The following KRT20 variants were observed in gnomAD, a reference collection of about 807,000 sequenced individuals.
KRT20 encodes keratin, type I cytoskeletal 20.
KRT20 carries 41 observed loss-of-function variants against 43.0 expected under a neutral mutation model. The observed-to-expected ratio is 0.95, with a 90% CI of 0.74 to 1.24. The LOEUF is 1.24. Among genes scored for constraint, KRT20 ranks in the 50% most tolerant of loss-of-function variants. KRT20 has a pLI of 0.00. For missense variants in KRT20, 533 were observed against 521.2 expected (o/e 1.02, Z -0.22); for synonymous variants, 207 against 200.6 (o/e 1.03, Z -0.27).
intron 6 of KRT20, among the ~76,000 whole-genome samples, 194 bp downstream of exon 6, chr17:40,877,951 A>G (rs1907416402): frequency 6.6e-6 from 1 of 152,044 alleles, no homozygotes; most frequent in Non-Finnish European, 1.5e-5. Flanking sequence ...CATGATCTCA[A>G]GGCTGTACTT....
intron 1 of KRT20, among the ~76,000 whole-genome samples, chr17:40,883,391 A>G (rs1907681997): frequency 6.6e-6 from 1 of 152,082 alleles, no homozygotes; most frequent in Non-Finnish European, 1.5e-5. Flanking sequence ...TGCTCTCAAA[A>G]CTGAACTGGA....
intron 1 of KRT20, 92 bp from the exon 2 acceptor site, chr17:40,882,746 G>C (rs1434087633): frequency 2.3e-6 from 1 of 438,460 alleles, no homozygotes; most frequent in African/African-American, 2.2e-5. Context: ...ATCTTGCTCT[G>C]TTGCCCAGAC....
intron 2 of KRT20, 47 bp downstream of exon 2, chr17:40,882,525 A>G: frequency 9.7e-7 from 1 of 1,031,754 alleles, no homozygotes; most frequent in Admixed American, 2.1e-5. Context: ...AAGGACTACT[A>G]AAGGAATTCT....
intron 6 of KRT20, 147 bp from the exon 7 acceptor site, chr17:40,877,564 C>T: frequency 3.9e-6 from 2 of 510,476 alleles, no homozygotes; most frequent in Middle Eastern, 5.0e-4. Flanking sequence ...TTTTACATTG[C>T]TTTTATTGCA....
In KRT20 at chr17:40,882,616, C is replaced by A. The variant is rs749621858; in HGVS notation, c.429G>T (p.Leu143=). Residue 143 remains leucine (L), a synonymous_variant, in exon 2 of 8, where the codon CTG becomes CTT. Transcript: ENST00000167588. The part of the protein sequence containing the change: ...DAQLQNARCV[L]QIDNAKLAAE... The stretch of plus-strand genomic sequence containing the variant: ...CAGCCAGTTTAGCATTATCAATTTG[C>A]AGGACACACCGAGCATTTTGCAGTT... 8 of 1,564,144 alleles carry A rather than the reference C, an allele frequency of 5.1e-6. 1 individual carries two copies. The South Asian group carries it at 9.6e-5, about 19-fold the overall frequency.
chr17:40,876,659 C>T (rs1597849123), intron 7 of KRT20, among the ~76,000 whole-genome samples: 1 of 152,096 alleles, frequency 6.6e-6, no homozygotes, highest in Non-Finnish European at 1.5e-5. Context: ...TTACAAATGT[C>T]CTACTCTTAA....
At position 40,876,107 on chromosome 17, in the gene KRT20, A is replaced by G. The variant is rs559468460; in HGVS notation, c.*254T>C. 1.3e-4 allele frequency: 47 copies of G among 356,708 alleles called. No homozygotes were observed. In the East Asian group the frequency reaches 1.9e-3, roughly 15 times the overall value. 22.1% of individuals were successfully genotyped at this position (356,708 alleles called of 1,614,324 possible). A position where few individuals can be genotyped will look rare whatever the true frequency, so the allele number is the denominator to read the frequency against. Reference sequence around the variant, plus strand: ...GTAATTGATGTGCTTCATGATAAAGATGGCAGTAATGATGTTTTAAATATT... The same window carrying G: ...GTAATTGATGTGCTTCATGATAAAGGTGGCAGTAATGATGTTTTAAATATT... On this transcript the variant is annotated 3_prime_UTR_variant, in exon 8 of 8. Coordinates refer to ENST00000167588, the MANE Select transcript of KRT20 (RefSeq NM_019010.3).
chr17:40,884,353 C>G (rs1203288009), intron 1 of KRT20, among the ~76,000 whole-genome samples: 2 of 152,106 alleles, frequency 1.3e-5, no homozygotes, highest in African/African-American at 4.8e-5. Context: ...GTACAGTATT[C>G]TAATAGTCAT....
rs1168634869 is a variant in KRT20 at position 40,878,379 on chromosome 17, A to T, written c.919-14T>A. On this transcript the variant is annotated splice_polypyrimidine_tract_variant and intron_variant, in intron 5 of 7. Coordinates refer to ENST00000167588, the MANE Select transcript of KRT20 (RefSeq NM_019010.3). ...CAAAGACTCTTTCTATGAGCACAAGAAAAATAGGGCACTTCTTATGTGAGG... is the reference window on the plus strand; with the variant it reads ...CAAAGACTCTTTCTATGAGCACAAGTAAAATAGGGCACTTCTTATGTGAGG... 6.3e-7 allele frequency: 1 copy of T among 1,588,756 alleles called. No homozygotes were observed. Among genetic ancestry groups the T allele is most frequent in the East Asian group, 2.2e-5 (1 of 44,696 alleles).
chr17:40,877,451 A>G (rs1907398775), intron 6 of KRT20, 34 bp from the exon 7 acceptor site: 2 of 1,368,354 alleles, frequency 1.5e-6, no homozygotes, highest in Non-Finnish European at 2.0e-6. Flanking sequence ...AAGAAAAAAG[A>G]AACAGAAAAA....
chr17:40,878,858 G>A (rs896116702), intron 5 of KRT20, among the ~76,000 whole-genome samples: 2 of 151,046 alleles, frequency 1.3e-5, no homozygotes, highest in Admixed American at 6.6e-5. Context: ...CTGGAGTGCA[G>A]TAATGTGATC....
rs1387412684 is a variant in KRT20 at position 40,876,091 on chromosome 17, G to A, written c.*270C>T. The stretch of plus-strand genomic sequence containing the variant: ...AGGTGGTCTACAGCTTGTAATTGAT[G>A]TGCTTCATGATAAAGATGGCAGTAA... On this transcript the variant is annotated 3_prime_UTR_variant, in exon 8 of 8. Coordinates refer to ENST00000167588, the MANE Select transcript of KRT20 (RefSeq NM_019010.3). The A allele has an allele frequency of 6.2e-6, 2 of 322,472 alleles. No homozygotes were observed. The highest frequency in any genetic ancestry group is 9.0e-5 in the Admixed American group (2 of 22,280). The allele number at this position is 322,472 out of a possible 1,614,324, so 20.0% of individuals were successfully genotyped here. A position where few individuals can be genotyped will look rare whatever the true frequency, so the allele number is the denominator to read the frequency against.
At chr17:40,879,743 C>G (rs1212103057) in intron 5 of KRT20, 70 bp downstream of exon 5, 28 of 1,559,748 alleles carry the variant, frequency 1.8e-5, no homozygotes, top group Middle Eastern at 1.7e-4. Flanking sequence ...CTTTGCATTT[C>G]TATAGTTCCT....
At chr17:40,878,543 A>G (rs889644010) in intron 5 of KRT20, among the ~76,000 whole-genome samples, 178 bp from the exon 6 acceptor site, 4 of 152,172 alleles carry the variant, frequency 2.6e-5, no homozygotes, top group Non-Finnish European at 5.9e-5. Context: ...AGCTAGGATC[A>G]TTAGCTCTTG....
chr17:40,880,381 A>C, intron 3 of KRT20, 120 bp from the exon 4 acceptor site: 1 of 1,005,112 alleles, frequency 9.9e-7, no homozygotes, highest in South Asian at 1.7e-5. Flanking sequence ...AAAAGATATA[A>C]AATAATAACT....
At chr17:40,882,759 G>C (rs1482831948) in intron 1 of KRT20, 105 bp from the exon 2 acceptor site, 1 of 322,796 alleles carries the variant, frequency 3.1e-6, no homozygotes, top group Non-Finnish European at 5.0e-6. Flanking sequence ...GCCCAGACTG[G>C]AGTGCAATGG....
chr17:40,877,935 C>G (rs1201772501), intron 6 of KRT20, among the ~76,000 whole-genome samples: 1 of 151,904 alleles, frequency 6.6e-6, no homozygotes, highest in East Asian at 1.9e-4. Flanking sequence ...GAACTCAGTC[C>G]TACCACATGA....
chr17:40,882,693 A>C (rs182913089), intron 1 of KRT20, 39 bp from the exon 2 acceptor site: 1 of 476,634 alleles, frequency 2.1e-6, no homozygotes, highest in East Asian at 7.6e-5. Flanking sequence ...TTTCTTTTTT[A>C]TTTATTTATT....
chr17:40,876,071 G>A lies in KRT20; in HGVS notation c.*290C>T, dbSNP rs1907334640. The A allele has an allele frequency of 1.4e-5, 4 of 281,658 alleles. No individual in the cohort carries two copies. The South Asian group carries it at 5.1e-4, about 36-fold the overall frequency. 17.4% of individuals were successfully genotyped at this position (281,658 alleles called of 1,614,324 possible). ...ATTACCTACAAATTGATATTAGGTGGTCTACAGCTTGTAATTGATGTGCTT... is the reference window on the plus strand; with the variant it reads ...ATTACCTACAAATTGATATTAGGTGATCTACAGCTTGTAATTGATGTGCTT... On this transcript the variant is annotated 3_prime_UTR_variant, in exon 8 of 8. Coordinates refer to ENST00000167588, the MANE Select transcript of KRT20 (RefSeq NM_019010.3).
Sources: gnomAD v4.1 joint callset for allele counts (sites outside exome capture counted in the v4.1 genomes callset) on GRCh38, gnomAD v4.1.1 for gene constraint, MANE v1.5 for transcripts, NCBI Gene and HGNC (gene_info 2026-07-23, HGNC 2026-07-21) for gene names.